ABHD18: variants seen among roughly 807,000 people sequenced by gnomAD.
ABHD18 encodes the protein abhydrolase domain containing 18.
Under a neutral mutation model 65.9 loss-of-function variants are expected in ABHD18, and 55 were observed. The ratio of observed to expected loss-of-function variants is 0.84; its 90% CI spans 0.67 to 1.05. The LOEUF is 1.05. ABHD18 is among the 50% of genes least tolerant of loss of function. The probability of loss-of-function intolerance (pLI) is 0.00; values close to 1 mark genes in which losing one functional copy is unlikely to be tolerated. For missense variants in ABHD18, 533 were observed against 558.5 expected (o/e 0.95, Z 0.46); for synonymous variants, 181 against 180.2 (o/e 1.00, Z -0.04).
Position 128,011,707 on chromosome 4 carries a change from A to G in ABHD18, c.470+7A>G, listed in dbSNP as rs1286629413. ...GGAAACCCAAGGACCAAGTGTAAGT[A>G]TATATCACTTTCATTTTTGCAGTCT... On this transcript the variant is annotated splice_region_variant and intron_variant, in intron 7 of 12. Coordinates refer to ENST00000645843, the MANE Select transcript of ABHD18 (RefSeq NM_001358451.3). 1 of 1,540,642 alleles carries G rather than the reference A, an allele frequency of 6.5e-7. No homozygotes were observed. Among genetic ancestry groups the G allele is most frequent in the African/African-American group, 1.4e-5 (1 of 72,888 alleles).
intron 4 of ABHD18, 21 bp from the exon 5 acceptor site, chr4:128,008,897 TAA>T: frequency 1.3e-6 from 2 of 1,525,708 alleles, no homozygotes; most frequent in Non-Finnish European, 1.8e-6. Context: ...ATTTTATTGA[TAA>T]GTCTATGCTT....
At chr4:128,009,396 G>A (rs1469771344) in intron 6 of ABHD18, among the ~76,000 whole-genome samples, 1 of 152,114 alleles carries the variant, frequency 6.6e-6, no homozygotes, top group African/African-American at 2.4e-5. Flanking sequence ...TACTTCTATT[G>A]TGCAGTAAAG....
chr4:127,972,371 T>C (rs1189053637), intron 1 of ABHD18, among the ~76,000 whole-genome samples: 4 of 152,168 alleles, frequency 2.6e-5, no homozygotes, highest in Non-Finnish European at 5.9e-5. Flanking sequence ...GGTCCCAAAG[T>C]TCCTTTCTGG....
At chr4:127,996,997 G>A (rs930337425) in intron 4 of ABHD18, among the ~76,000 whole-genome samples, 3 of 152,136 alleles carry the variant, frequency 2.0e-5, no homozygotes, top group Non-Finnish European at 4.4e-5. Flanking sequence ...TACAACAGTG[G>A]TCCTGAGGTG....
At chr4:128,007,711 A>ATCC (rs1482834125) in intron 4 of ABHD18, among the ~76,000 whole-genome samples, 2 of 151,218 alleles carry the variant, frequency 1.3e-5, no homozygotes, top group Non-Finnish European at 2.9e-5. Context: ...ACGGCACTCC[A>ATCC]TCCTGGGCAA....
chr4:127,979,806 T>G (rs1227631138), intron 1 of ABHD18, among the ~76,000 whole-genome samples: 4 of 150,530 alleles, frequency 2.7e-5, no homozygotes, highest in Non-Finnish European at 4.4e-5. Flanking sequence ...ATCCCAGCTA[T>G]TTAGGAGGCT....
chr4:128,035,680 T>A (rs1758813395), intron 12 of ABHD18, 82 bp from the exon 13 acceptor site: 2 of 765,356 alleles, frequency 2.6e-6, no homozygotes, highest in Non-Finnish European at 4.3e-6. Flanking sequence ...CAGATAAATT[T>A]GGAAATAACT....
intron 7 of ABHD18, among the ~76,000 whole-genome samples, chr4:128,016,112 C>A (rs993735556): frequency 6.6e-6 from 1 of 151,748 alleles, no homozygotes; most frequent in East Asian, 1.9e-4. Context: ...TGCCACCACG[C>A]CCAGCTAATT....
chr4:128,001,905 C>A, intron 4 of ABHD18: 7 of 1,013,000 alleles, frequency 6.9e-6, no homozygotes, highest in Non-Finnish European at 9.4e-6. Context: ...TTGAAAAAAA[C>A]AGATAAATTT....
At chr4:128,011,760 AT>A in intron 7 of ABHD18, 60 bp downstream of exon 7, 3 of 1,328,360 alleles carry the variant, frequency 2.3e-6, no homozygotes, top group Non-Finnish European at 2.0e-6. Flanking sequence ...CAGTATTAAA[AT>A]TTTGGTTGCC....
At chr4:127,980,383 A>G (rs2149064213) in intron 1 of ABHD18, among the ~76,000 whole-genome samples, 1 of 152,060 alleles carries the variant, frequency 6.6e-6, no homozygotes, top group East Asian at 1.9e-4. Context: ...TTTATAAATT[A>G]CCCAGCTGGT....
rs1491380654 is a variant in ABHD18, at chr4:128,039,144, C to CGTGTGTGTAT, written c.*3331_*3332insGTGTGTGTAT. ...TATGTATTATATATACACACATATG[C>CGTGTGTGTAT]ATATATATATATATATATATATATA... On this transcript the variant is annotated 3_prime_UTR_variant, in exon 13 of 13. Coordinates refer to ENST00000645843, the MANE Select transcript of ABHD18 (RefSeq NM_001358451.3). 9 of 99,738 alleles carry CGTGTGTGTAT rather than the reference C, an allele frequency of 9.0e-5. No homozygotes were observed. Among genetic ancestry groups the CGTGTGTGTAT allele is most frequent in the African/African-American group, 3.0e-4 (8 of 26,816 alleles). The allele number at this position is 99,738 out of a possible 1,614,324, so 6.2% of individuals were successfully genotyped here.
At chr4:127,966,125 T>C (rs1016600071) in intron 1 of ABHD18, 2 of 152,210 alleles carry the variant, frequency 1.3e-5, no homozygotes, top group African/African-American at 4.8e-5. Flanking sequence ...AGAAAACATG[T>C]CATGGGTTTT....
At chr4:128,022,769 C>CTTT (rs1234304858) in intron 10 of ABHD18, among the ~76,000 whole-genome samples, 1 of 130,952 alleles carries the variant, frequency 7.6e-6, no homozygotes, top group Non-Finnish European at 1.7e-5. Context: ...CGATCCTTTT[C>CTTT]TTTTTTTTTT....
intron 1 of ABHD18, among the ~76,000 whole-genome samples, chr4:127,979,715 A>G (rs943266023): frequency 3.9e-5 from 6 of 152,146 alleles, no homozygotes; most frequent in African/African-American, 1.4e-4. Flanking sequence ...CAGGAGTTTG[A>G]GACCAGCCTG....
intron 4 of ABHD18, among the ~76,000 whole-genome samples, chr4:127,999,992 A>T (rs749399782): frequency 1.3e-5 from 2 of 152,218 alleles, no homozygotes; most frequent in African/African-American, 2.4e-5. Context: ...TGAAAGGCAC[A>T]TCTCATATGG....
At chr4:128,020,276 A>G (rs985822901) in intron 9 of ABHD18, 107 bp downstream of exon 9, 24 of 754,868 alleles carry the variant, frequency 3.2e-5, no homozygotes, top group African/African-American at 7.0e-5. Flanking sequence ...AGAAAGAATT[A>G]TAGGACTCAG....
At chr4:127,984,870 T>A (rs1294193813) in intron 3 of ABHD18, among the ~76,000 whole-genome samples, 4 of 152,154 alleles carry the variant, frequency 2.6e-5, no homozygotes. Flanking sequence ...CAAAAATAAA[T>A]AAATAAATAA....
intron 1 of ABHD18, among the ~76,000 whole-genome samples, chr4:127,975,894 C>A (rs1325361644): frequency 1.3e-5 from 2 of 152,170 alleles, no homozygotes; most frequent in East Asian, 3.9e-4. Flanking sequence ...GGTACAGTCT[C>A]GGCTCACTGC....
Sources: gnomAD v4.1 joint callset for allele counts (sites outside exome capture counted in the v4.1 genomes callset) on GRCh38, gnomAD v4.1.1 for gene constraint, MANE v1.5 for transcripts, NCBI Gene and HGNC (gene_info 2026-07-23, HGNC 2026-07-21) for gene names.